YIPF4: variants seen among roughly 807,000 people sequenced by gnomAD.
YIPF4 encodes Yip1 domain family member 4.
A neutral mutation model predicts 29.4 loss-of-function variants in YIPF4; 18 were observed. The observed-to-expected ratio is 0.61, with a 90% CI of 0.42 to 0.91. The LOEUF (loss-of-function observed/expected upper bound fraction) is 0.91. YIPF4 is among the 40% of genes least tolerant of loss of function. The probability of loss-of-function intolerance (pLI) is 0.00; values close to 1 mark genes in which losing one functional copy is unlikely to be tolerated. For missense variants in YIPF4, 279 were observed against 282.7 expected (o/e 0.99, Z 0.09); for synonymous variants, 115 against 104.7 (o/e 1.10, Z -0.60).
chr2:32,281,174 C>T (rs1299720119), intron 1 of YIPF4, among the ~76,000 whole-genome samples: 1 of 151,978 alleles, frequency 6.6e-6, no homozygotes, highest in East Asian at 1.9e-4. Flanking sequence ...GCATAATATC[C>T]TCACACAATA....
rs1277242377 is a variant in YIPF4, at chr2:32,307,288, C to A, written c.*1662C>A. 6 of 424,966 alleles carry A rather than the reference C, an allele frequency of 1.4e-5. No individual in the cohort carries two copies. Among genetic ancestry groups the A allele is most frequent in the Non-Finnish European group, 2.1e-5 (6 of 292,300 alleles). 26.3% of individuals were successfully genotyped at this position (424,966 alleles called of 1,614,324 possible). On this transcript the variant is annotated 3_prime_UTR_variant, in exon 6 of 6. Transcript: ENST00000238831. ...ACATTCATAGTGTTGACCCTGGAAT[C>A]TTTCACAGAAAGCTTGGGGGTCAGG...
rs1223011054 is a variant in YIPF4, at chr2:32,280,383, AT to A, written c.79+2163del. Among the ~76,000 whole-genome samples, 246 of 123,788 alleles carry A rather than the reference AT, an allele frequency of 2.0e-3. 1 individual carries two copies. Among genetic ancestry groups the A allele is most frequent in the South Asian group, 0.011 (42 of 3,914 alleles). The allele number at this position is 123,788 out of a possible 152,430, so 81.2% of individuals were successfully genotyped here. ...CTGATCTTGTGATCCGCCCAGGCTAATTTTTTTTTTTTTTGAGACAGAGTCT... is the reference window on the plus strand; with the variant it reads ...CTGATCTTGTGATCCGCCCAGGCTAATTTTTTTTTTTTTGAGACAGAGTCT... On this transcript the variant is annotated intron_variant, in intron 1 of 5. Coordinates refer to ENST00000238831, the MANE Select transcript of YIPF4 (RefSeq NM_032312.4).
chr2:32,290,298 ATTC>A lies in YIPF4; in HGVS notation c.80-182_80-180del, dbSNP rs2030853741. On this transcript the variant is annotated intron_variant, in intron 1 of 5. Coordinates refer to ENST00000238831, the MANE Select transcript of YIPF4 (RefSeq NM_032312.4). ...TTTCACTTCTTTCATCTTTCATTTTATTCTTATAAAATAAATGATGGTTTTTAG... is the reference window on the plus strand; with the variant it reads ...TTTCACTTCTTTCATCTTTCATTTTATTATAAAATAAATGATGGTTTTTAG... 1.3e-5 allele frequency among the ~76,000 whole-genome samples: 2 copies of A among 152,130 alleles called. 1 individual carries two copies. The highest frequency in any genetic ancestry group is 4.1e-4 in the South Asian group (2 of 4,836).
At chr2:32,304,053 A>G (rs2031493083) in intron 5 of YIPF4, among the ~76,000 whole-genome samples, 1 of 152,220 alleles carries the variant, frequency 6.6e-6, no homozygotes, top group Non-Finnish European at 1.5e-5. Flanking sequence ...TAAAATGGAA[A>G]ACTCTTTTTT....
In YIPF4 at chr2:32,293,882, G is replaced by A. The variant is rs1372214064; in HGVS notation, c.405+1534G>A. The stretch of plus-strand genomic sequence containing the variant: ...TCCCTCCCGGACGGGGCGGCTGGCC[G>A]GGCGGGGGGCTGACCCCCCCCACCT... On this transcript the variant is annotated intron_variant, in intron 3 of 5. Transcript: ENST00000238831. Among the ~76,000 whole-genome samples the A allele has an allele frequency of 6.5e-4, 90 of 138,200 alleles. 1 individual carries two copies. Among genetic ancestry groups the A allele is most frequent in the African/African-American group, 2.3e-3 (83 of 36,132 alleles). The allele number at this position is 138,200 out of a possible 152,430, so 90.7% of individuals were successfully genotyped here.
intron 4 of YIPF4, among the ~76,000 whole-genome samples, chr2:32,300,173 G>A (rs1254671106): frequency 2.0e-5 from 3 of 152,226 alleles, no homozygotes; most frequent in Non-Finnish European, 2.9e-5. Flanking sequence ...AGCTGAGGCA[G>A]GAGAATCTCT....
intron 1 of YIPF4, among the ~76,000 whole-genome samples, chr2:32,278,485 G>A (rs1233226999): frequency 1.3e-5 from 2 of 152,116 alleles, no homozygotes; most frequent in Admixed American, 6.5e-5. Flanking sequence ...TCTGGTGGCT[G>A]GTTTTTCTGG....
At chr2:32,291,714 C>A (rs1160533871) in intron 2 of YIPF4, among the ~76,000 whole-genome samples, 1 of 152,146 alleles carries the variant, frequency 6.6e-6, no homozygotes, top group African/African-American at 2.4e-5. Context: ...TAACCCACAA[C>A]ACAAAGACAG....
At position 32,307,698 on chromosome 2, in the gene YIPF4, T is replaced by G. The variant is rs1176460634; in HGVS notation, c.*2072T>G. ...ATCCCAGCACTTTGGGAGGCCAAAG[T>G]GGATGAGCAGCTTGAGTCAGGAGTT... On this transcript the variant is annotated 3_prime_UTR_variant, in exon 6 of 6. Transcript: ENST00000238831. 1 of 152,012 alleles carries G rather than the reference T, an allele frequency of 6.6e-6. No individual in the cohort carries two copies. The highest frequency in any genetic ancestry group is 6.6e-5 in the Admixed American group (1 of 15,242). 9.4% of individuals were successfully genotyped at this position (152,012 alleles called of 1,614,324 possible).
At chr2:32,286,928 C>A (rs972772376) in intron 1 of YIPF4, among the ~76,000 whole-genome samples, 7 of 152,182 alleles carry the variant, frequency 4.6e-5, no homozygotes, top group African/African-American at 1.7e-4. Context: ...TGATCTCTTT[C>A]ATAGGCCTAT....
chr2:32,284,031 A>G (rs563539781), intron 1 of YIPF4, among the ~76,000 whole-genome samples: 1 of 152,024 alleles, frequency 6.6e-6, no homozygotes, highest in Non-Finnish European at 1.5e-5. Context: ...GCCTAATATC[A>G]CTTCTTAATT....
chr2:32,288,159 G>C (rs1293248046), intron 1 of YIPF4, among the ~76,000 whole-genome samples: 1 of 151,860 alleles, frequency 6.6e-6, no homozygotes, highest in Non-Finnish European at 1.5e-5. Flanking sequence ...ATGTCTTGGG[G>C]GTCCTGGGGG....
rs1249519723 is a variant in YIPF4 at position 32,305,484 on chromosome 2, TA to T, written c.598-2del. ...TGCCTTTTGTCTTTTTTCCTTTTTT[TA>T]AAGCTGTTTGGTGTGTTTTGGGCTG... On this transcript the variant is annotated splice_polypyrimidine_tract_variant and splice_region_variant and intron_variant, in intron 5 of 5. Coordinates refer to ENST00000238831, the MANE Select transcript of YIPF4 (RefSeq NM_032312.4). 1 of 1,539,476 alleles carries T rather than the reference TA, an allele frequency of 6.5e-7. No homozygotes were observed. The highest frequency in any genetic ancestry group is 8.7e-7 in the Non-Finnish European group (1 of 1,148,570).
At chr2:32,290,020 TTATC>T (rs951076146) in intron 1 of YIPF4, among the ~76,000 whole-genome samples, 12 of 152,132 alleles carry the variant, frequency 7.9e-5, no homozygotes, top group African/African-American at 2.4e-4. Context: ...TAGAGAAAAA[TTATC>T]TACGAATTTC....
At chr2:32,283,414 G>C (rs1014854689) in intron 1 of YIPF4, among the ~76,000 whole-genome samples, 1 of 152,084 alleles carries the variant, frequency 6.6e-6, no homozygotes, top group African/African-American at 2.4e-5. Flanking sequence ...CATTCTTAAT[G>C]ATAGCTATCC....
rs201626027 is a variant in YIPF4 at position 32,305,649 on chromosome 2, A to G, written c.*23A>G. On this transcript the variant is annotated 3_prime_UTR_variant, in exon 6 of 6. Coordinates refer to ENST00000238831, the MANE Select transcript of YIPF4 (RefSeq NM_032312.4). ...TGATCCAAGTTATACATGAATAGAA[A>G]AAGATGGTGTTAAATTTGTGTGTAG... The G allele has an allele frequency of 5.2e-6, 8 of 1,536,008 alleles. No homozygotes were observed. The highest frequency in any genetic ancestry group is 7.0e-6 in the Non-Finnish European group (8 of 1,144,674).
Position 32,290,746 on chromosome 2 carries a change from T to G in YIPF4, c.233+110T>G, listed in dbSNP as rs1264238080. 20 of 670,288 alleles carry G rather than the reference T, an allele frequency of 3.0e-5. No homozygotes were observed. The East Asian group carries it at 7.3e-4, about 25-fold the overall frequency. 41.5% of individuals were successfully genotyped at this position (670,288 alleles called of 1,614,324 possible). A position where few individuals can be genotyped will look rare whatever the true frequency, so the allele number is the denominator to read the frequency against. On this transcript the variant is annotated intron_variant, in intron 2 of 5. Coordinates refer to ENST00000238831, the MANE Select transcript of YIPF4 (RefSeq NM_032312.4). Reference sequence around the variant, plus strand: ...GCATTAACCTTTTTTGGTCAAAAGCTATAGTGATTGTCAATTTTACTAGTA... The same window carrying G: ...GCATTAACCTTTTTTGGTCAAAAGCGATAGTGATTGTCAATTTTACTAGTA...
chr2:32,298,140 G>C, intron 3 of YIPF4, 94 bp from the exon 4 acceptor site: 1 of 974,508 alleles, frequency 1.0e-6, no homozygotes, highest in African/African-American at 1.6e-5. Flanking sequence ...AATTGGGCAT[G>C]CTAAACTGTC....
At position 32,313,031 on chromosome 2, in the gene YIPF4, C is replaced by CT; in HGVS notation, c.*7408dup. ...CCCCCCCAATATACACACACCCTGA[C>CT]TTTAATGAGCTTATTTTGCTGGGGA... On this transcript the variant is annotated 3_prime_UTR_variant, in exon 6 of 6. Coordinates refer to ENST00000238831, the MANE Select transcript of YIPF4 (RefSeq NM_032312.4). The CT allele has an allele frequency of 6.6e-6, 1 of 152,226 alleles. No individual in the cohort carries two copies. The highest frequency in any genetic ancestry group is 1.5e-5 in the Non-Finnish European group (1 of 68,026). The allele number at this position is 152,226 out of a possible 1,614,324, so 9.4% of individuals were successfully genotyped here. A position where few individuals can be genotyped will look rare whatever the true frequency, so the allele number is the denominator to read the frequency against.
Sources: allele counts gnomAD v4.1 joint callset (sites outside exome capture counted in the v4.1 genomes callset), GRCh38; gene constraint gnomAD v4.1.1; transcripts MANE v1.5; gene names NCBI Gene and HGNC (gene_info 2026-07-23, HGNC 2026-07-21).